Variants in PAX7 observed in about 807,000 individuals in gnomAD.
PAX7 encodes paired box protein Pax-7.
In PAX7, 18 loss-of-function variants were observed where a neutral mutation model predicts 50.7. That is an observed-to-expected ratio of 0.36 (90% CI 0.25 to 0.53). The LOEUF (loss-of-function observed/expected upper bound fraction) is 0.53, where lower values mean the gene tolerates loss of function less well. Among genes scored for constraint, PAX7 ranks in the 20% least tolerant of loss-of-function variants. PAX7 has a pLI of 0.93. For synonymous variants in PAX7, 310 were observed against 290.4 expected, an observed-to-expected ratio of 1.07 and a Z score of -0.69; for missense variants, 644 against 702.9, an observed-to-expected ratio of 0.92 and a Z score of 0.95.
chr1:18,709,679 C>A (rs1005303884), intron 7 of PAX7, among the ~76,000 whole-genome samples: 2 of 152,192 alleles, frequency 1.3e-5, no homozygotes, highest in Non-Finnish European at 2.9e-5. Flanking sequence ...CCAGGGTCCC[C>A]TATCCATCCA....
intron 4 of PAX7, among the ~76,000 whole-genome samples, chr1:18,654,041 C>T (rs186155922): frequency 5.9e-5 from 9 of 152,152 alleles, no homozygotes; most frequent in South Asian, 4.1e-4. Context: ...TGCAAATACG[C>T]CAAAGATGAA....
chr1:18,677,228 G>A (rs1401636253), intron 4 of PAX7, among the ~76,000 whole-genome samples: 4 of 152,194 alleles, frequency 2.6e-5, no homozygotes, highest in African/African-American at 9.6e-5. Context: ...TTCATAGGGT[G>A]GGCTTCTCAG....
intron 4 of PAX7, among the ~76,000 whole-genome samples, chr1:18,672,408 T>C (rs2088763518): frequency 2.6e-5 from 4 of 152,086 alleles, no homozygotes; most frequent in South Asian, 4.2e-4. Flanking sequence ...TAACAGGAAA[T>C]AAATGTCCTC....
intron 6 of PAX7, among the ~76,000 whole-genome samples, chr1:18,702,277 T>C (rs1187345109): frequency 6.6e-6 from 1 of 151,980 alleles, no homozygotes; most frequent in Non-Finnish European, 1.5e-5. Context: ...AGGCGGAGGT[T>C]GCACGGAGCC....
intron 8 of PAX7, among the ~76,000 whole-genome samples, chr1:18,741,408 CT>C (rs1281739903): frequency 6.6e-6 from 1 of 151,282 alleles, no homozygotes; most frequent in East Asian, 1.9e-4. Flanking sequence ...CAAGATTGCA[CT>C]GTTGCACTAC....
chr1:18,711,076 G>A (rs1165607592), intron 7 of PAX7, among the ~76,000 whole-genome samples: 1 of 152,124 alleles, frequency 6.6e-6, no homozygotes, highest in African/African-American at 2.4e-5. Context: ...TCAGGCCTCC[G>A]CTTTCTCGGG....
chr1:18,721,146 G>T (rs537221459), intron 7 of PAX7, among the ~76,000 whole-genome samples: 1 of 152,206 alleles, frequency 6.6e-6, no homozygotes, highest in East Asian at 1.9e-4. Flanking sequence ...CTGTGGCGAG[G>T]ACCTTTTCCC....
At chr1:18,690,731 T>C (rs1336307459) in intron 4 of PAX7, among the ~76,000 whole-genome samples, 1 of 152,146 alleles carries the variant, frequency 6.6e-6, no homozygotes, top group Non-Finnish European at 1.5e-5. Context: ...GTGGGGATAA[T>C]GGGGTGGGGT....
chr1:18,642,193 G>C (rs1226155958), intron 4 of PAX7, among the ~76,000 whole-genome samples: 1 of 146,350 alleles, frequency 6.8e-6, no homozygotes, highest in Non-Finnish European at 1.5e-5. Context: ...GAGCAAATGA[G>C]ATTTCATTCC....
rs895966670 is a variant in PAX7 at position 18,681,624 on chromosome 1, G to T, written c.587-10130G>T. On this transcript the variant is annotated intron_variant, in intron 4 of 8. Coordinates refer to ENST00000420770, the MANE Select transcript of PAX7 (RefSeq NM_001135254.2). ...CTGCTAGCAGAGAGCCAGGATCAGA[G>T]AATGCCCCACTGCAGTTTCCCCTTG... is the stretch of plus-strand genomic sequence containing the variant. Among the ~76,000 whole-genome samples the T allele has an allele frequency of 5.3e-5, 8 of 152,192 alleles. No homozygotes were observed. In the East Asian group the frequency reaches 1.5e-3, roughly 29 times the overall value.
chr1:18,733,294 C>T (rs894911940), intron 7 of PAX7, among the ~76,000 whole-genome samples: 2 of 152,176 alleles, frequency 1.3e-5, no homozygotes, highest in African/African-American at 4.8e-5. Context: ...ACAAAGATCT[C>T]AGAAGCACAT....
At chr1:18,642,796 A>G (rs1011101918) in intron 4 of PAX7, among the ~76,000 whole-genome samples, 1 of 151,972 alleles carries the variant, frequency 6.6e-6, no homozygotes, top group Non-Finnish European at 1.5e-5. Flanking sequence ...ACGGTGACCT[A>G]AGGGGGAAAC....
At chr1:18,699,089 G>GTTCA (rs1218520595) in intron 5 of PAX7, among the ~76,000 whole-genome samples, 1 of 152,118 alleles carries the variant, frequency 6.6e-6, no homozygotes, top group East Asian at 1.9e-4. Context: ...GCCTCCCCTT[G>GTTCA]TTCATTCATT....
Position 18,695,264 on chromosome 1 carries a change from G to A in PAX7, c.786+3311G>A, listed in dbSNP as rs2743206. ...CCTGCACACAGAAGTGCCATAAATG[G>A]GGGTTGTTCTTACTAAAACTCTGCC... is the stretch of plus-strand genomic sequence containing the variant. On this transcript the variant is annotated intron_variant, in intron 5 of 8. Transcript: ENST00000420770. 7.4e-3 allele frequency among the ~76,000 whole-genome samples: 1,125 copies of A among 152,134 alleles called. 16 individuals carry two copies. The highest frequency in any genetic ancestry group is 0.025 in the African/African-American group (1,019 of 41,510).
At chr1:18,639,332 C>T (rs1298745415) in intron 4 of PAX7, among the ~76,000 whole-genome samples, 1 of 151,946 alleles carries the variant, frequency 6.6e-6, no homozygotes, top group African/African-American at 2.4e-5. Flanking sequence ...TATTTCTGTG[C>T]ACTTTCATCT....
intron 7 of PAX7, among the ~76,000 whole-genome samples, chr1:18,729,192 G>A (rs2089615493): frequency 6.6e-6 from 1 of 152,246 alleles, no homozygotes; most frequent in Admixed American, 6.5e-5. Flanking sequence ...TGGGAACAGA[G>A]GGCTCTGAAA....
chr1:18,694,511 T>TAAAAAA (rs1557535044), intron 5 of PAX7, among the ~76,000 whole-genome samples: 2 of 138,598 alleles, frequency 1.4e-5, no homozygotes, highest in Non-Finnish European at 3.1e-5. Context: ...TAAATAAATA[T>TAAAAAA]AAAATAAAAT....
rs2100405098 is a variant in PAX7 at position 18,735,520 on chromosome 1, G to T, written c.1156-112G>T. The T allele has an allele frequency of 5.3e-6, 8 of 1,509,234 alleles. No homozygotes were observed. Among genetic ancestry groups the T allele is most frequent in the Middle Eastern group, 2.2e-4 (1 of 4,518 alleles). The allele number at this position is 1,509,234 out of a possible 1,614,324, so 93.5% of individuals were successfully genotyped here. On this transcript the variant is annotated intron_variant, in intron 7 of 8. Coordinates refer to ENST00000420770, the MANE Select transcript of PAX7 (RefSeq NM_001135254.2). This position sits in a 1 kb window ranked among gnomAD's most constrained non-coding sequence, Gnocchi z 4.0. The stretch of plus-strand genomic sequence containing the variant: ...GACCTCGAAGCTACAGAGACTTCAA[G>T]GGAACAACTCTGGCAAAGAGTGTTC...
rs143497664 is a variant in PAX7, at chr1:18,634,523, C to T, written c.306C>T (p.Gly102=). Residue 102 remains glycine, a synonymous_variant, in exon 2 of 9, where the codon GGC becomes GGT. Coordinates refer to ENST00000420770, the MANE Select transcript of PAX7 (RefSeq NM_001135254.2). The surrounding 1 kb of genome is among the most constrained non-coding windows in gnomAD (Gnocchi z 4.0). ...ETGSIRPGAI[G]GSKPRQVATP... ...GGTCCATCCGGCCTGGGGCCATCGG[C>T]GGCAGCAAGCCCAGAGTGAGTGTCT... is the stretch of plus-strand genomic sequence containing the variant. 121 of 1,613,766 alleles carry T rather than the reference C, an allele frequency of 7.5e-5. No individual in the cohort carries two copies. The highest frequency in any genetic ancestry group is 6.6e-4 in the Middle Eastern group (4 of 6,084).
Sources: allele counts gnomAD v4.1 joint callset (sites outside exome capture counted in the v4.1 genomes callset), GRCh38; gene constraint gnomAD v4.1.1; non-coding constraint Gnocchi (gnomAD v3.1); transcripts MANE v1.5; gene names NCBI Gene and HGNC (gene_info 2026-07-23, HGNC 2026-07-21).